ZNF385D: variants seen among roughly 807,000 people sequenced by gnomAD.
ZNF385D encodes the protein zinc finger protein 385D.
ZNF385D carries 15 observed loss-of-function variants against 35.8 expected under a neutral mutation model. That is an observed-to-expected ratio of 0.42 (90% CI 0.28 to 0.64). ZNF385D has a LOEUF of 0.64. Ranked by LOEUF, ZNF385D falls within the 30% of genes least tolerant of loss-of-function variation. ZNF385D has a pLI of 0.23. For missense variants in ZNF385D, 474 were observed against 494.6 expected (o/e 0.96, Z 0.39); for synonymous variants, 212 against 186.8 (o/e 1.13, Z -1.10).
intron 3 of ZNF385D, among the ~76,000 whole-genome samples, chr3:22,043,564 T>A (rs1332914493): frequency 6.6e-6 from 1 of 151,758 alleles, no homozygotes; most frequent in Non-Finnish European, 1.5e-5. Context: ...TATACATTGT[T>A]CTAAAGGCTG....
At chr3:22,226,686 C>G (rs1260485249) in intron 2 of ZNF385D, among the ~76,000 whole-genome samples, 16 of 152,248 alleles carry the variant, frequency 1.1e-4, no homozygotes, top group Non-Finnish European at 2.1e-4. Context: ...CTTTTGAAGT[C>G]TAGGTCATCC....
chr3:21,816,799 C>A (rs570392555), intron 3 of ZNF385D, among the ~76,000 whole-genome samples: 28 of 152,200 alleles, frequency 1.8e-4, no homozygotes, highest in Admixed American at 1.1e-3. Flanking sequence ...CCATCAAGCT[C>A]CCAATGACTT....
intron 3 of ZNF385D, among the ~76,000 whole-genome samples, chr3:22,003,555 T>C (rs180687665): frequency 1.3e-5 from 2 of 152,232 alleles, no homozygotes; most frequent in African/African-American, 4.8e-5. Flanking sequence ...ATAATGTTTT[T>C]TACAGAAATG....
At chr3:21,535,479 C>T (rs567320812) in intron 3 of ZNF385D, among the ~76,000 whole-genome samples, 2 of 152,138 alleles carry the variant, frequency 1.3e-5, no homozygotes, top group East Asian at 1.9e-4. Context: ...AGAGTTAAAG[C>T]AACAGAAAAA....
intron 2 of ZNF385D, among the ~76,000 whole-genome samples, chr3:22,272,453 C>T (rs1205956359): frequency 6.6e-6 from 1 of 151,940 alleles, no homozygotes; most frequent in Admixed American, 6.6e-5. Context: ...TATATGTTGA[C>T]TGACCAAGAT....
intron 3 of ZNF385D, among the ~76,000 whole-genome samples, chr3:21,822,567 C>G (rs1177415849): frequency 2.0e-5 from 3 of 151,786 alleles, no homozygotes; most frequent in Non-Finnish European, 4.4e-5. Flanking sequence ...CTCACTGATT[C>G]TAGTAGTAGG....
At chr3:22,179,736 A>T (rs1695095396) in intron 2 of ZNF385D, among the ~76,000 whole-genome samples, 1 of 152,158 alleles carries the variant, frequency 6.6e-6, no homozygotes, top group Non-Finnish European at 1.5e-5. Context: ...CTTTGAAACC[A>T]ATGAGAACAA....
intron 2 of ZNF385D, among the ~76,000 whole-genome samples, chr3:22,178,790 G>A (rs1695014479): frequency 6.6e-6 from 1 of 152,162 alleles, no homozygotes; most frequent in Admixed American, 6.5e-5. Flanking sequence ...TCTAGTTTCA[G>A]CTTTCTACAT....
intron 2 of ZNF385D, among the ~76,000 whole-genome samples, chr3:22,352,237 T>A (rs774139297): frequency 8.5e-5 from 13 of 152,198 alleles, no homozygotes; most frequent in Non-Finnish European, 1.6e-4. Flanking sequence ...GTTACCAGTT[T>A]CCTGCCTAAA....
At chr3:21,587,012 A>AAAC (rs2063831638) in intron 2 of ZNF385D, among the ~76,000 whole-genome samples, 2 of 152,286 alleles carry the variant, frequency 1.3e-5, no homozygotes, top group African/African-American at 2.4e-5. Flanking sequence ...GATAGAACAG[A>AAAC]AACACCCATG....
chr3:21,962,403 T>C (rs1293740723), intron 3 of ZNF385D, among the ~76,000 whole-genome samples: 1 of 152,130 alleles, frequency 6.6e-6, no homozygotes, highest in Non-Finnish European at 1.5e-5. Flanking sequence ...TGGAGAAAAG[T>C]TCACTGAAGT....
In ZNF385D at chr3:21,737,951, C is replaced by T. The variant is rs139557334; in HGVS notation, c.22+12944G>A. 2.7e-3 allele frequency among the ~76,000 whole-genome samples: 411 copies of T among 152,332 alleles called. 4 individuals are homozygous for T. Among genetic ancestry groups the T allele is most frequent in the African/African-American group, 9.1e-3 (380 of 41,584 alleles). On this transcript the variant is annotated intron_variant, in intron 1 of 7. Transcript: ENST00000281523. ...CTCACGTAAAGATAGACGGCCATCA[C>T]TGTGATTAGCGTTATGTGTAAGTCA...
chr3:21,728,853 A>C (rs1174607526), intron 1 of ZNF385D, among the ~76,000 whole-genome samples: 1 of 152,172 alleles, frequency 6.6e-6, no homozygotes, highest in Admixed American at 6.5e-5. Flanking sequence ...TGTATACTTC[A>C]TGTATTGATT....
chr3:22,191,228 C>T (rs1271213831), intron 2 of ZNF385D, among the ~76,000 whole-genome samples: 5 of 152,014 alleles, frequency 3.3e-5, no homozygotes, highest in East Asian at 3.9e-4. Flanking sequence ...CGGTGGCTCA[C>T]GCCTATAATC....
intron 2 of ZNF385D, among the ~76,000 whole-genome samples, chr3:22,249,644 T>C (rs1699965176): frequency 6.6e-6 from 1 of 152,212 alleles, no homozygotes; most frequent in Admixed American, 6.6e-5. Flanking sequence ...GAGATTTATA[T>C]ATTATAGATA....
At chr3:22,342,216 G>A (rs536279072) in intron 2 of ZNF385D, among the ~76,000 whole-genome samples, 1 of 138,672 alleles carries the variant, frequency 7.2e-6, no homozygotes, top group Non-Finnish European at 1.5e-5. Flanking sequence ...GGCGGAGCTT[G>A]CAGTGAGCCG....
chr3:21,999,819 A>T (rs1695723986), intron 3 of ZNF385D, among the ~76,000 whole-genome samples: 1 of 152,114 alleles, frequency 6.6e-6, no homozygotes, highest in Admixed American at 6.5e-5. Context: ...GATGAAGAAA[A>T]ACTGTGTGAT....
intron 3 of ZNF385D, among the ~76,000 whole-genome samples, chr3:21,876,315 T>C (rs1232286164): frequency 1.3e-5 from 2 of 151,574 alleles, no homozygotes; most frequent in East Asian, 1.9e-4. Context: ...TGCCTCAGAG[T>C]AACTGTCTTC....
intron 2 of ZNF385D, among the ~76,000 whole-genome samples, chr3:22,324,566 A>G (rs1166452707): frequency 6.6e-6 from 1 of 152,216 alleles, no homozygotes; most frequent in Admixed American, 6.5e-5. Flanking sequence ...AAGATATTTC[A>G]TTATCCTATG....
Sources: gnomAD v4.1 joint callset for allele counts (sites outside exome capture counted in the v4.1 genomes callset) on GRCh38, gnomAD v4.1.1 for gene constraint, MANE v1.5 for transcripts, NCBI Gene and HGNC (gene_info 2026-07-23, HGNC 2026-07-21) for gene names.